The following DIAPH3 variants were observed in gnomAD, a reference collection of about 807,000 sequenced individuals.
DIAPH3 encodes the protein diaphanous related formin 3.
In DIAPH3, 117 loss-of-function variants were observed where a neutral mutation model predicts 144.3. That is an observed-to-expected ratio of 0.81 (90% CI 0.70 to 0.95). The LOEUF is 0.95. Among genes scored for constraint, DIAPH3 ranks in the 40% least tolerant of loss-of-function variants. DIAPH3 has a pLI of 0.00. For missense variants in DIAPH3, 1,421 were observed against 1,412.7 expected (o/e 1.01, Z -0.09); for synonymous variants, 519 against 488.9 (o/e 1.06, Z -0.81).
intron 23 of DIAPH3, among the ~76,000 whole-genome samples, chr13:59,835,479 T>C (rs2041999490): frequency 6.6e-6 from 1 of 151,786 alleles, no homozygotes; most frequent in South Asian, 2.1e-4. Flanking sequence ...CAGTGAGCTG[T>C]CCATTGGGTA....
intron 2 of DIAPH3, among the ~76,000 whole-genome samples, chr13:60,123,556 A>C (rs765788566): frequency 5.3e-5 from 8 of 152,242 alleles, no homozygotes; most frequent in Admixed American, 1.3e-4. Flanking sequence ...AAGTACAGGA[A>C]GTCCTAATTA....
At chr13:59,687,257 C>T (rs1319182359) in intron 27 of DIAPH3, among the ~76,000 whole-genome samples, 18 of 152,166 alleles carry the variant, frequency 1.2e-4, no homozygotes, top group Admixed American at 1.1e-3. Flanking sequence ...CTGAGCCATC[C>T]TGACAGTTCC....
intron 27 of DIAPH3, among the ~76,000 whole-genome samples, chr13:59,715,192 G>C (rs1474342581): frequency 6.6e-6 from 1 of 152,128 alleles, no homozygotes; most frequent in Non-Finnish European, 1.5e-5. Flanking sequence ...GGTAATGAGA[G>C]CACATCATTA....
intron 13 of DIAPH3, 63 bp from the exon 14 acceptor site, chr13:59,980,922 AGTTT>A: frequency 3.0e-6 from 4 of 1,346,748 alleles, no homozygotes; most frequent in Admixed American, 1.8e-5. Flanking sequence ...TGACTTCAAA[AGTTT>A]AGAAAGAAAA....
At chr13:59,702,094 A>G (rs342597) in intron 27 of DIAPH3, among the ~76,000 whole-genome samples, 103,845 of 152,060 alleles carry the variant, frequency 0.68, 35,681 homozygotes, top group East Asian at 0.84. Context: ...CCTCTCATCC[A>G]ACCTCAACGA....
chr13:59,747,312 G>A (rs1047898382), intron 27 of DIAPH3, among the ~76,000 whole-genome samples: 2 of 152,108 alleles, frequency 1.3e-5, no homozygotes, highest in Non-Finnish European at 2.9e-5. Flanking sequence ...AAGAGGGAAT[G>A]AATCTTTCAA....
intron 10 of DIAPH3, 43 bp downstream of exon 10, chr13:59,992,430 T>A: frequency 6.8e-7 from 1 of 1,465,954 alleles, no homozygotes; most frequent in Non-Finnish European, 9.4e-7. Context: ...ACTCAAGTAC[T>A]CTTTTAATTT....
chr13:59,826,455 C>T (rs1387737954), intron 24 of DIAPH3, among the ~76,000 whole-genome samples: 1 of 150,908 alleles, frequency 6.6e-6, no homozygotes, highest in Non-Finnish European at 1.5e-5. Context: ...AATAAAATGC[C>T]TAGGAATCCA....
At chr13:59,745,298 G>A (rs1322037519) in intron 27 of DIAPH3, among the ~76,000 whole-genome samples, 1 of 152,098 alleles carries the variant, frequency 6.6e-6, no homozygotes, top group African/African-American at 2.4e-5. Context: ...TAACCTAGAG[G>A]TTAATTATCT....
intron 12 of DIAPH3, 71 bp downstream of exon 12, chr13:59,991,087 T>C (rs1452917023): frequency 1.0e-6 from 1 of 972,264 alleles, no homozygotes; most frequent in South Asian, 1.4e-5. Context: ...CAAAGGCAAA[T>C]ATGATGTGAA....
intron 21 of DIAPH3, among the ~76,000 whole-genome samples, chr13:59,869,634 T>A (rs1179927033): frequency 2.0e-5 from 3 of 152,220 alleles, no homozygotes; most frequent in Admixed American, 6.5e-5. Context: ...ATCTTTTGCA[T>A]GAAAATGTTA....
At chr13:59,905,377 G>A (rs892265112) in intron 20 of DIAPH3, among the ~76,000 whole-genome samples, 4 of 133,736 alleles carry the variant, frequency 3.0e-5, no homozygotes, top group Non-Finnish European at 6.4e-5. Context: ...AAAAGTGTAA[G>A]TTCACATGCC....
intron 4 of DIAPH3, among the ~76,000 whole-genome samples, chr13:60,055,897 T>C (rs1192952462): frequency 1.3e-5 from 2 of 151,798 alleles, no homozygotes; most frequent in Non-Finnish European, 3.0e-5. Context: ...GTGACAATTT[T>C]TTGCATAGTT....
chr13:59,939,819 T>C (rs1172851250), intron 17 of DIAPH3, among the ~76,000 whole-genome samples: 1 of 144,122 alleles, frequency 6.9e-6, no homozygotes, highest in Non-Finnish European at 1.5e-5. Context: ...TATATGTATC[T>C]ACAGGGAGAA....
intron 23 of DIAPH3, chr13:59,838,187 T>C (rs889424376): frequency 6.6e-6 from 1 of 152,160 alleles, no homozygotes; most frequent in African/African-American, 2.4e-5. Context: ...TAATAATGCA[T>C]TGTAGTAATA....
chr13:59,693,217 G>A (rs1455286517), intron 27 of DIAPH3, among the ~76,000 whole-genome samples: 4 of 152,196 alleles, frequency 2.6e-5, no homozygotes, highest in Admixed American at 6.5e-5. Flanking sequence ...AGAGAAGAGT[G>A]ACTGGACTGA....
At chr13:60,139,135 C>T (rs2138293043) in intron 1 of DIAPH3, among the ~76,000 whole-genome samples, 1 of 152,310 alleles carries the variant, frequency 6.6e-6, no homozygotes, top group Middle Eastern at 3.4e-3. Context: ...TCCCTGGCAA[C>T]TACACAACAC....
At chr13:59,807,116 T>C (rs2040237259) in intron 25 of DIAPH3, among the ~76,000 whole-genome samples, 1 of 151,930 alleles carries the variant, frequency 6.6e-6, no homozygotes, top group South Asian at 2.1e-4. Context: ...ATATTTGTTA[T>C]ATGGTTATAT....
intron 4 of DIAPH3, among the ~76,000 whole-genome samples, chr13:60,072,918 C>A (rs1021453082): frequency 6.6e-6 from 1 of 152,148 alleles, no homozygotes; most frequent in African/African-American, 2.4e-5. Flanking sequence ...AAAATATTAA[C>A]AATAGTTACC....
Sources: gnomAD v4.1 joint callset for allele counts (sites outside exome capture counted in the v4.1 genomes callset) on GRCh38, gnomAD v4.1.1 for gene constraint, MANE v1.5 for transcripts, NCBI Gene and HGNC (gene_info 2026-07-23, HGNC 2026-07-21) for gene names.